Variants in ASTN2 observed in about 807,000 individuals in gnomAD.
ASTN2 encodes the protein astrotactin 2.
Under a neutral mutation model 139.8 loss-of-function variants are expected in ASTN2, and 54 were observed. That is an observed-to-expected ratio of 0.39 (90% CI 0.31 to 0.48). The LOEUF is 0.48. Among genes scored for constraint, ASTN2 ranks in the 20% least tolerant of loss-of-function variants. ASTN2 has a pLI of 0.95. For missense variants in ASTN2, 1,565 were observed against 1,725.1 expected (o/e 0.91, Z 1.64); for synonymous variants, 756 against 719.5 (o/e 1.05, Z -0.81).
chr9:116,923,132 C>T (rs2132439162), intron 10 of ASTN2, among the ~76,000 whole-genome samples: 1 of 152,306 alleles, frequency 6.6e-6, no homozygotes, highest in East Asian at 1.9e-4. Context: ...ACCTTGTCCC[C>T]TTCTTTCCAA....
chr9:117,044,594 A>C (rs1427852203), intron 5 of ASTN2, among the ~76,000 whole-genome samples: 2 of 152,134 alleles, frequency 1.3e-5, no homozygotes, highest in Non-Finnish European at 1.5e-5. Context: ...CATAATACTC[A>C]CACCCTCCCA....
Position 116,733,463 on chromosome 9 carries a change from C to T in ASTN2, c.2457G>A (p.Leu819=). 6.2e-7 allele frequency: 1 copy of T among 1,614,212 alleles called. No individual in the cohort carries two copies. Among genetic ancestry groups the T allele is most frequent in the Non-Finnish European group, 8.5e-7 (1 of 1,180,044 alleles). ...QLADGLLVIP[L]PVEEQCRGVL... ...CCCCCCGGCACTGCTCCTCCACCGG[C>T]AGCGGGATCACCAACAGCCCATCGG... is the stretch of plus-strand genomic sequence containing the variant. Residue 819 remains leucine (L), a synonymous_variant, in exon 14 of 23, where the codon CTG becomes CTA. Transcript: ENST00000313400.
At chr9:116,839,742 C>A (rs1315176957) in intron 11 of ASTN2, among the ~76,000 whole-genome samples, 2 of 151,846 alleles carry the variant, frequency 1.3e-5, no homozygotes, top group African/African-American at 4.8e-5. Context: ...GTGATCTCGG[C>A]ATACTGCAAC....
intron 16 of ASTN2, among the ~76,000 whole-genome samples, chr9:116,706,140 G>A (rs984371476): frequency 1.3e-5 from 2 of 151,952 alleles, no homozygotes; most frequent in African/African-American, 4.8e-5. Context: ...TACCCTCTTC[G>A]GTATTCTAAT....
intron 13 of ASTN2, among the ~76,000 whole-genome samples, chr9:116,795,096 C>T (rs1327033994): frequency 6.6e-6 from 1 of 152,194 alleles, no homozygotes; most frequent in Non-Finnish European, 1.5e-5. Context: ...CTGGCCTCAG[C>T]CTCCCATGTA....
At chr9:117,026,468 T>G (rs749506001) in intron 6 of ASTN2, among the ~76,000 whole-genome samples, 2 of 152,188 alleles carry the variant, frequency 1.3e-5, no homozygotes, top group Non-Finnish European at 2.9e-5. Flanking sequence ...TCTGGGGTCA[T>G]CAACCTTTCA....
chr9:116,640,047 C>A (rs994326479), intron 17 of ASTN2, among the ~76,000 whole-genome samples: 4 of 151,774 alleles, frequency 2.6e-5, no homozygotes, highest in Non-Finnish European at 5.9e-5. Context: ...AGTTTACCTG[C>A]TAATGTATAG....
intron 19 of ASTN2, among the ~76,000 whole-genome samples, chr9:116,586,965 G>C (rs936751113): frequency 6.6e-6 from 1 of 152,038 alleles, no homozygotes; most frequent in African/African-American, 2.4e-5. Context: ...TGAAGATTCT[G>C]CTAACTCATC....
intron 5 of ASTN2, among the ~76,000 whole-genome samples, chr9:117,092,047 A>T (rs78663379): frequency 6.6e-6 from 1 of 152,146 alleles, no homozygotes; most frequent in African/African-American, 2.4e-5. Context: ...AATCTTCACA[A>T]TGACCCTGTG....
intron 4 of ASTN2, among the ~76,000 whole-genome samples, chr9:117,099,536 C>A (rs960686502): frequency 6.6e-6 from 1 of 152,144 alleles, no homozygotes; most frequent in Non-Finnish European, 1.5e-5. Context: ...GTAAGAAAAG[C>A]GAACACTTGC....
chr9:116,715,560 G>A (rs1260724543), intron 16 of ASTN2, among the ~76,000 whole-genome samples: 2 of 151,976 alleles, frequency 1.3e-5, no homozygotes, highest in African/African-American at 4.8e-5. Context: ...TCCACCCTCA[G>A]TAGGTTAGGG....
At chr9:117,158,608 G>A (rs1830480191) in intron 3 of ASTN2, among the ~76,000 whole-genome samples, 1 of 151,906 alleles carries the variant, frequency 6.6e-6, no homozygotes, top group South Asian at 2.1e-4. Context: ...TTCCCTATCA[G>A]TATCAGTGAG....
chr9:117,149,613 C>T (rs541657269), intron 3 of ASTN2, among the ~76,000 whole-genome samples: 2 of 151,976 alleles, frequency 1.3e-5, no homozygotes, highest in East Asian at 3.9e-4. Context: ...CTGGGAAGAC[C>T]CAACATAAAT....
At chr9:116,510,697 C>G (rs538253196) in intron 19 of ASTN2, among the ~76,000 whole-genome samples, 1 of 152,114 alleles carries the variant, frequency 6.6e-6, no homozygotes, top group African/African-American at 2.4e-5. Flanking sequence ...GTTTGCAGTT[C>G]TCCTTGAAGA....
At chr9:116,881,627 T>G (rs1284260151) in intron 10 of ASTN2, among the ~76,000 whole-genome samples, 1 of 152,242 alleles carries the variant, frequency 6.6e-6, no homozygotes, top group East Asian at 1.9e-4. Context: ...TTTACTGCAC[T>G]TCTCCATTTG....
intron 7 of ASTN2, among the ~76,000 whole-genome samples, chr9:116,980,972 T>C (rs112592943): frequency 5.3e-5 from 8 of 152,254 alleles, no homozygotes; most frequent in Admixed American, 2.0e-4. Context: ...AACTCCTGTA[T>C]AGGGATAGGG....
At chr9:117,285,158 AC>A (rs1245341534) in intron 2 of ASTN2, among the ~76,000 whole-genome samples, 1 of 152,156 alleles carries the variant, frequency 6.6e-6, no homozygotes, top group East Asian at 1.9e-4. Flanking sequence ...CTCGCCCAGT[AC>A]CTCTAGAATT....
intron 3 of ASTN2, among the ~76,000 whole-genome samples, chr9:117,150,028 G>A (rs1830292335): frequency 1.3e-5 from 2 of 152,200 alleles, no homozygotes; most frequent in African/African-American, 4.8e-5. Flanking sequence ...TCTTGGGCCT[G>A]TCAGTTAATA....
At chr9:117,169,861 A>G (rs1286563355) in intron 3 of ASTN2, among the ~76,000 whole-genome samples, 1 of 152,120 alleles carries the variant, frequency 6.6e-6, no homozygotes, top group African/African-American at 2.4e-5. Context: ...GTAAACACCA[A>G]ACTCTAAGAG....
Sources: allele counts gnomAD v4.1 joint callset (sites outside exome capture counted in the v4.1 genomes callset), GRCh38; gene constraint gnomAD v4.1.1; transcripts MANE v1.5; gene names NCBI Gene and HGNC (gene_info 2026-07-23, HGNC 2026-07-21).